KAT7: variants seen among roughly 807,000 people sequenced by gnomAD.
KAT7 encodes the protein histone acetyltransferase KAT7.
KAT7 carries 10 observed loss-of-function variants against 82.1 expected under a neutral mutation model. The ratio of observed to expected loss-of-function variants is 0.12; its 90% CI spans 0.08 to 0.21. The LOEUF is 0.21. Ranked by LOEUF, KAT7 falls within the 10% of genes least tolerant of loss-of-function variation. The probability of loss-of-function intolerance (pLI) is 1.00; values close to 1 mark genes in which losing one functional copy is unlikely to be tolerated. For synonymous variants in KAT7, 250 were observed against 262.5 expected, an observed-to-expected ratio of 0.95 and a Z score of 0.46; for missense variants, 378 against 760.9, an observed-to-expected ratio of 0.50 and a Z score of 5.92.
intron 1 of KAT7, among the ~76,000 whole-genome samples, chr17:49,790,137 T>C (rs1199904861): frequency 1.3e-5 from 2 of 152,122 alleles, no homozygotes; most frequent in South Asian, 2.1e-4. Context: ...AGGTTGAAAA[T>C]GTACACTTTT....
At chr17:49,791,215 G>A (rs1362193662) in intron 1 of KAT7, among the ~76,000 whole-genome samples, 1 of 152,184 alleles carries the variant, frequency 6.6e-6, no homozygotes, top group East Asian at 1.9e-4. Flanking sequence ...TAAAAAATGT[G>A]ATAGCTTTTC....
intron 12 of KAT7, 67 bp downstream of exon 12, chr17:49,823,362 G>C: frequency 2.3e-6 from 2 of 870,064 alleles, no homozygotes; most frequent in East Asian, 4.8e-5. Flanking sequence ...TTGTCTTTTT[G>C]TCCTGTGGTC....
intron 3 of KAT7, among the ~76,000 whole-genome samples, chr17:49,797,503 A>G (rs575502848): frequency 8.5e-5 from 13 of 152,342 alleles, no homozygotes; most frequent in Admixed American, 7.2e-4. Context: ...GGCTTGAAGC[A>G]GACTTTTCTT....
Position 49,796,822 on chromosome 17 carries a change from G to A in KAT7, c.236G>A (p.Arg79His). The change falls in exon 3 of 15, where the codon CGT becomes CAT. Residue 79 changes from arginine (R) to histidine (H), a missense_variant. By Grantham distance (29) the Arg-to-His change is conservative. Coordinates refer to ENST00000259021, the MANE Select transcript of KAT7 (RefSeq NM_007067.5). ...EPAYSTRRVT[R>H]SQQQPTPVTP... Reference sequence around the variant, plus strand: ...GCTTACTCTACCAGAAGAGTGACCCGTAGTCAGCAGCAGCCTACCCCAGTG... The same window carrying A: ...GCTTACTCTACCAGAAGAGTGACCCATAGTCAGCAGCAGCCTACCCCAGTG... 7 of 1,614,036 alleles carry A rather than the reference G, an allele frequency of 4.3e-6. No individual in the cohort carries two copies. Among genetic ancestry groups the A allele is most frequent in the Non-Finnish European group, 5.9e-6 (7 of 1,179,970 alleles).
chr17:49,796,600 A>G (rs765080021), intron 2 of KAT7, 150 bp from the exon 3 acceptor site: 5 of 570,190 alleles, frequency 8.8e-6, no homozygotes, highest in African/African-American at 1.9e-5. Flanking sequence ...TTTTGCTTAT[A>G]TTTTATTTAA....
At chr17:49,791,466 T>C (rs1009877212) in intron 1 of KAT7, among the ~76,000 whole-genome samples, 1 of 152,200 alleles carries the variant, frequency 6.6e-6, no homozygotes, top group Non-Finnish European at 1.5e-5. Context: ...AAGACCAGCC[T>C]GGCCAACATA....
At chr17:49,798,650 C>T (rs887157168) in intron 4 of KAT7, 92 bp downstream of exon 4, 2 of 1,344,254 alleles carry the variant, frequency 1.5e-6, no homozygotes, top group Non-Finnish European at 2.0e-6. Context: ...TGGGATTTAG[C>T]TTCTTAGGCT....
intron 9 of KAT7, among the ~76,000 whole-genome samples, chr17:49,819,057 A>G (rs1192000184): frequency 6.6e-6 from 1 of 152,134 alleles, no homozygotes; most frequent in African/African-American, 2.4e-5. Context: ...TAATCACAAT[A>G]TAATTTGGCT....
rs1380257302 is a variant in KAT7, at chr17:49,831,511, A to G, written c.*4009A>G. The G allele has an allele frequency of 1.3e-5, 2 of 152,128 alleles. No homozygotes were observed. The highest frequency in any genetic ancestry group is 4.8e-5 in the African/African-American group (2 of 41,418). 9.4% of individuals were successfully genotyped at this position (152,128 alleles called of 1,614,324 possible). The stretch of plus-strand genomic sequence containing the variant: ...TTCTAGATGAAAAATTGAGGCTCAT[A>G]GTGGTCTTGCTGCTGTGTCATAGCA... On this transcript the variant is annotated 3_prime_UTR_variant, in exon 15 of 15. Coordinates refer to ENST00000259021, the MANE Select transcript of KAT7 (RefSeq NM_007067.5).
rs201712831 is a variant in KAT7, at chr17:49,805,436, C to T, written c.654C>T (p.Asp218=). 21 of 1,607,848 alleles carry T rather than the reference C, an allele frequency of 1.3e-5. No homozygotes were observed. In the East Asian group the frequency reaches 1.8e-4, roughly 14 times the overall value. The change falls in exon 5 of 15, where the codon GAC becomes GAT. Residue 218 remains aspartate (D), a synonymous_variant. Coordinates refer to ENST00000259021, the MANE Select transcript of KAT7 (RefSeq NM_007067.5). ...CACTGTATCATAACCTCTCAGCTGACGAATGCAAGGTAATTGTGCTCTCAT... is the reference window on the plus strand; with the variant it reads ...CACTGTATCATAACCTCTCAGCTGATGAATGCAAGGTAATTGTGCTCTCAT... ...GCPLYHNLSA[D]ECKVRAQSRD...
intron 4 of KAT7, among the ~76,000 whole-genome samples, chr17:49,804,098 G>A (rs1457810348): frequency 6.6e-6 from 1 of 152,064 alleles, no homozygotes; most frequent in Non-Finnish European, 1.5e-5. Context: ...TAGATGAATG[G>A]GCCGGGCGCG....
At chr17:49,791,638 A>G (rs1052617707) in intron 1 of KAT7, among the ~76,000 whole-genome samples, 24 of 152,248 alleles carry the variant, frequency 1.6e-4, no homozygotes, top group South Asian at 2.1e-4. Context: ...AGCCTGGGCA[A>G]TGAGAGCGAA....
intron 6 of KAT7, among the ~76,000 whole-genome samples, chr17:49,810,654 A>T (rs927421550): frequency 1.3e-5 from 2 of 152,188 alleles, no homozygotes; most frequent in African/African-American, 4.8e-5. Flanking sequence ...TAATTGGAAA[A>T]CAGTAAGCAT....
In KAT7 at chr17:49,792,007, C is replaced by T. The variant is rs147141932; in HGVS notation, c.137C>T (p.Ser46Leu). 61 of 1,614,138 alleles carry T rather than the reference C, an allele frequency of 3.8e-5. No homozygotes were observed. In the African/African-American group the frequency reaches 7.1e-4, roughly 19 times the overall value. ...SRRSARVTRS[S>L]ARLSQSSQDS... is the part of the protein sequence containing the mutation. ...CGATCTGCTCGAGTCACCCGCTCCT[C>T]AGCCAGGCTAAGCCAGAGTTCTCAA... The change falls in exon 2 of 15, where the codon TCA (serine) becomes TTA (leucine). Residue 46 changes from serine to leucine, a missense_variant. Physicochemically the swap from Ser to Leu is moderately radical, Grantham distance 145 (BLOSUM62 -2). This residue lies in a region of KAT7 where 161 missense variants were observed against 229.6 expected (regional missense o/e 0.70). Coordinates refer to ENST00000259021, the MANE Select transcript of KAT7 (RefSeq NM_007067.5).
In KAT7 at chr17:49,817,938, G is replaced by A; in HGVS notation, c.1082G>A (p.Arg361Gln). 6.2e-7 allele frequency: 1 copy of A among 1,613,444 alleles called. No homozygotes were observed. The change falls in exon 9 of 15, where the codon CGG becomes CAG. Residue 361 changes from arginine to glutamine, a missense_variant. Arg to Gln is a conservative substitution (Grantham distance 43, BLOSUM62 1). Transcript: ENST00000259021. ...YHSPYPEEYA[R>Q]LGRLYMCEFC... Reference sequence around the variant, plus strand: ...TCTCCATATCCTGAAGAATATGCACGGCTGGGACGTCTCTATATGTGTGAA... The same window carrying A: ...TCTCCATATCCTGAAGAATATGCACAGCTGGGACGTCTCTATATGTGTGAA...
chr17:49,826,269 C>CA (rs1598092287), intron 13 of KAT7, 123 bp downstream of exon 13: 1 of 930,044 alleles, frequency 1.1e-6, no homozygotes, highest in East Asian at 2.5e-5. Flanking sequence ...CGGAGACCCT[C>CA]ACTAAAGCTG....
At chr17:49,792,060 C>CA in intron 2 of KAT7, 27 bp downstream of exon 2, 1 of 1,607,296 alleles carries the variant, frequency 6.2e-7, no homozygotes, top group Non-Finnish European at 8.5e-7. Context: ...TTTTCCTTAC[C>CA]ACTCCTCACA....
Position 49,791,890 on chromosome 17 carries a change from A to G in KAT7, c.20A>G (p.Asn7Ser). The part of the protein sequence containing the change: MPRRKR[N>S]AGSSSDGTED... ...TCTGGATCTATGGTATTACAGAGGA[A>G]TGCAGGCAGTAGTTCAGATGGAACC... The change falls in exon 2 of 15, where the codon AAT becomes AGT. Residue 7 changes from asparagine to serine, a missense_variant. By Grantham distance (46) the Asn-to-Ser change is conservative. Around this residue, in one of 6 missense-constraint regions of KAT7, gnomAD observed 161 missense variants for 229.6 expected, o/e 0.70. Coordinates refer to ENST00000259021, the MANE Select transcript of KAT7 (RefSeq NM_007067.5). 6.2e-7 allele frequency: 1 copy of G among 1,614,108 alleles called. No homozygotes were observed. The highest frequency in any genetic ancestry group is 8.5e-7 in the Non-Finnish European group (1 of 1,179,940).
rs2074436463 is a variant in KAT7 at position 49,832,971 on chromosome 17, A to G, written c.*5469A>G. The G allele has an allele frequency of 6.6e-6, 1 of 152,204 alleles. No individual in the cohort carries two copies. The highest frequency in any genetic ancestry group is 2.4e-5 in the African/African-American group (1 of 41,442). The allele number at this position is 152,204 out of a possible 1,614,324, so 9.4% of individuals were successfully genotyped here. On this transcript the variant is annotated 3_prime_UTR_variant, in exon 15 of 15. Coordinates refer to ENST00000259021, the MANE Select transcript of KAT7 (RefSeq NM_007067.5). ...CTCCTCCAGACTGTTTCCTGCTGAT[A>G]GGGGCAGTTTAATAGCCTTCTTCCT...
Sources: allele counts gnomAD v4.1 joint callset (sites outside exome capture counted in the v4.1 genomes callset), GRCh38; gene constraint gnomAD v4.1.1; regional missense constraint gnomAD v4.1.1; transcripts MANE v1.5; gene names NCBI Gene and HGNC (gene_info 2026-07-23, HGNC 2026-07-21).